CTTNBP2: variants seen among roughly 807,000 people sequenced by gnomAD.
CTTNBP2 encodes cortactin binding protein 2, also known as cortactin-binding protein 2.
Under a neutral mutation model 156.9 loss-of-function variants are expected in CTTNBP2, and 108 were observed. That is an observed-to-expected ratio of 0.69 (90% CI 0.59 to 0.81). CTTNBP2 has a LOEUF of 0.81. CTTNBP2 is among the 30% of genes least tolerant of loss of function. CTTNBP2 has a pLI of 0.00. For synonymous variants in CTTNBP2, 767 were observed against 751.8 expected, an observed-to-expected ratio of 1.02 and a Z score of -0.33; for missense variants, 1,924 against 2,035.4, an observed-to-expected ratio of 0.95 and a Z score of 1.05.
At chr7:117,861,893 A>C (rs569107559) in intron 1 of CTTNBP2, among the ~76,000 whole-genome samples, 1 of 152,090 alleles carries the variant, frequency 6.6e-6, no homozygotes, top group East Asian at 1.9e-4. Context: ...AAATCTGAAG[A>C]TGTCACCAAA....
At chr7:117,756,409 AG>A in intron 12 of CTTNBP2, 145 bp downstream of exon 12, 3 of 653,816 alleles carry the variant, frequency 4.6e-6, no homozygotes, top group Non-Finnish European at 8.2e-6. Context: ...GCAGCCTGCC[AG>A]GGAGGGGGCT....
intron 1 of CTTNBP2, among the ~76,000 whole-genome samples, chr7:117,872,888 C>T (rs1804717214): frequency 6.6e-6 from 1 of 152,146 alleles, no homozygotes; most frequent in Admixed American, 6.5e-5. Context: ...AGCTGCTCTC[C>T]CGGGTCCGCT....
chr7:117,772,233 G>A (rs935603796), intron 8 of CTTNBP2, among the ~76,000 whole-genome samples: 5 of 152,226 alleles, frequency 3.3e-5, no homozygotes, highest in African/African-American at 1.2e-4. Context: ...GCAGTACTGT[G>A]AATGTGACCA....
intron 10 of CTTNBP2, chr7:117,760,208 T>C (rs1020540231): frequency 9.2e-6 from 5 of 546,184 alleles, no homozygotes; most frequent in Non-Finnish European, 1.6e-5. Context: ...ACGGCTTTCA[T>C]GTTTTTTACT....
chr7:117,764,103 T>C (rs972246012), intron 9 of CTTNBP2, among the ~76,000 whole-genome samples: 60 of 152,226 alleles, frequency 3.9e-4, no homozygotes, highest in African/African-American at 1.4e-3. Context: ...CCTTCCCTCT[T>C]ACTAGGTACC....
intron 22 of CTTNBP2, among the ~76,000 whole-genome samples, 163 bp downstream of exon 22, chr7:117,717,855 T>TCTTTCTAAAACCAGC (rs1794527498): frequency 6.6e-6 from 1 of 151,962 alleles, no homozygotes. Flanking sequence ...ATTCTATAAG[T>TCTTTCTAAAACCAGC]ACTCTTTCTA....
chr7:117,808,747 A>C (rs1800090917), intron 3 of CTTNBP2, among the ~76,000 whole-genome samples: 1 of 152,188 alleles, frequency 6.6e-6, no homozygotes, highest in South Asian at 2.1e-4. Context: ...CTAAAGCTGC[A>C]ATTTACTCTA....
chr7:117,871,527 C>G (rs10277241), intron 1 of CTTNBP2: 9,353 of 166,102 alleles, frequency 0.056, 433 homozygotes, highest in African/African-American at 0.13. Context: ...ATTATCAAAT[C>G]CCCAACTATC....
At chr7:117,852,508 C>T (rs1802994724) in intron 2 of CTTNBP2, among the ~76,000 whole-genome samples, 2 of 152,118 alleles carry the variant, frequency 1.3e-5, no homozygotes, top group Non-Finnish European at 2.9e-5. Context: ...AGTGCACCAG[C>T]ATGTTCTCTC....
At chr7:117,745,588 G>C (rs370613216) in intron 14 of CTTNBP2, among the ~76,000 whole-genome samples, 155 of 151,518 alleles carry the variant, frequency 1.0e-3, no homozygotes, top group African/African-American at 3.6e-3. Flanking sequence ...ACTAGTGCCA[G>C]TAAGACAGTA....
Position 117,718,042 on chromosome 7 carries a change from AT to A in CTTNBP2, c.4721del (p.Asn1574IlefsTer2), listed in dbSNP as rs1794550192. 6.2e-7 allele frequency: 1 copy of A among 1,610,952 alleles called. No homozygotes were observed. The highest frequency in any genetic ancestry group is 1.3e-5 in the African/African-American group (1 of 74,858). On this transcript the variant is annotated frameshift_variant, in exon 22 of 23. Coordinates refer to ENST00000160373, the MANE Select transcript of CTTNBP2 (RefSeq NM_033427.3). LOFTEE classifies it high-confidence loss of function. ...CCTTTTGTGACACTGGCATTCTCAG[AT>A]TATTAATAGTTGCTGAAAGTACAGG... Reference protein sequence around the residue: ...NNPVLSATINNLRMPVSQKEV... With the variant: ...NNPVLSATINXLRMPVSQKEV...
chr7:117,846,021 T>G (rs933593856), intron 2 of CTTNBP2, among the ~76,000 whole-genome samples: 1 of 145,058 alleles, frequency 6.9e-6, no homozygotes, highest in Non-Finnish European at 1.5e-5. Context: ...CGGCTAATTT[T>G]TTTGTATTTT....
At chr7:117,790,321 T>C (rs1585008669) in intron 4 of CTTNBP2, among the ~76,000 whole-genome samples, 1 of 152,214 alleles carries the variant, frequency 6.6e-6, no homozygotes, top group African/African-American at 2.4e-5. Context: ...ATTTGCTTAG[T>C]AAATAACTAA....
At chr7:117,817,388 A>ATATATATATATATATATATATG (rs1554437687) in intron 2 of CTTNBP2, among the ~76,000 whole-genome samples, 1 of 124,778 alleles carries the variant, frequency 8.0e-6, no homozygotes, top group Non-Finnish European at 1.7e-5. Flanking sequence ...ATATATATAT[A>ATATATATATATATATATATATG]ATTTCATCAG....
intron 1 of CTTNBP2, among the ~76,000 whole-genome samples, chr7:117,868,568 A>G (rs34434439): frequency 0.045 from 6,822 of 152,272 alleles, 572 homozygotes; most frequent in East Asian, 0.24. Context: ...TGATCTCATT[A>G]TTTGTGTAAG....
chr7:117,733,661 A>G (rs555491482), intron 16 of CTTNBP2, among the ~76,000 whole-genome samples: 2 of 152,356 alleles, frequency 1.3e-5, no homozygotes, highest in East Asian at 3.9e-4. Context: ...TGATTTAAAT[A>G]TAACATGGGG....
rs1794980748 is a variant in CTTNBP2 at position 117,724,542 on chromosome 7, T to C, written c.4447+5A>G. On this transcript the variant is annotated splice_donor_5th_base_variant and intron_variant, in intron 19 of 22. Coordinates refer to ENST00000160373, the MANE Select transcript of CTTNBP2 (RefSeq NM_033427.3). ...GTAGGCAACATGCCTACCCCCGCCC[T>C]TTACCTTCAGTGCTTAGGTCTGGCT... The C allele has an allele frequency of 1.2e-6, 2 of 1,607,514 alleles. No individual in the cohort carries two copies. Among genetic ancestry groups the C allele is most frequent in the Admixed American group, 1.7e-5 (1 of 58,786 alleles).
At chr7:117,785,878 C>T (rs1798678722) in intron 4 of CTTNBP2, among the ~76,000 whole-genome samples, 1 of 152,136 alleles carries the variant, frequency 6.6e-6, no homozygotes, top group African/African-American at 2.4e-5. Flanking sequence ...CATGTCCTTT[C>T]TTAGCAGTGG....
At chr7:117,738,248 G>A (rs1464259379) in intron 14 of CTTNBP2, among the ~76,000 whole-genome samples, 3 of 152,188 alleles carry the variant, frequency 2.0e-5, no homozygotes, top group South Asian at 2.1e-4. Flanking sequence ...AATCAGGGGC[G>A]AGATTTGCTG....
Sources: allele counts gnomAD v4.1 joint callset (sites outside exome capture counted in the v4.1 genomes callset), GRCh38; gene constraint gnomAD v4.1.1; transcripts MANE v1.5; gene names NCBI Gene and HGNC (gene_info 2026-07-23, HGNC 2026-07-21).